Variants in MYOCOS observed in about 807,000 individuals in gnomAD.
MYOCOS encodes the protein myocilin opposite strand protein.
upstream of MYOCOS, among the ~76,000 whole-genome samples, chr1:171,621,672 G>A (rs1652579249): frequency 6.6e-6 from 1 of 152,008 alleles, no homozygotes; most frequent in South Asian, 2.1e-4. Flanking sequence ...ACCGCGCCTG[G>A]CCTCTGTTGT....
upstream of MYOCOS, among the ~76,000 whole-genome samples, chr1:171,620,897 G>GTAGC (rs998789736): frequency 3.3e-5 from 5 of 151,042 alleles, no homozygotes; most frequent in Non-Finnish European, 7.4e-5. Context: ...AGCCTCCCGA[G>GTAGC]TAGCTGGGAT....
chr1:171,614,791 A>G (rs1652418737), intron 1 of MYOCOS: 4 of 152,228 alleles, frequency 2.6e-5, no homozygotes, highest in Admixed American at 2.6e-4. Context: ...TTTTTTCTAC[A>G]TTTTAGACGG....
chr1:171,607,148 G>A (rs1652262294), intron 1 of MYOCOS, among the ~76,000 whole-genome samples: 1 of 149,652 alleles, frequency 6.7e-6, no homozygotes, highest in East Asian at 2.0e-4. Context: ...TCATATGTCT[G>A]TTTTTCCACC....
chr1:171,621,484 T>C (rs1652573241), upstream of MYOCOS, among the ~76,000 whole-genome samples: 1 of 149,456 alleles, frequency 6.7e-6, no homozygotes, highest in South Asian at 2.2e-4. Flanking sequence ...CACGCCATTC[T>C]CCTGCCTCAG....
chr1:171,618,452 C>A (rs929341738), upstream of MYOCOS, among the ~76,000 whole-genome samples: 2 of 152,206 alleles, frequency 1.3e-5, no homozygotes, highest in Non-Finnish European at 2.9e-5. Context: ...GTGGGGATGA[C>A]AAGGTAATCT....
At chr1:171,616,940 GC>G (rs1199913845) in intron 2 of MYOCOS, among the ~76,000 whole-genome samples, 2 of 152,150 alleles carry the variant, frequency 1.3e-5, no homozygotes, top group African/African-American at 4.8e-5. Flanking sequence ...AGGTATAATT[GC>G]CCTGCTGACA....
chr1:171,608,668 G>T (rs235898), intron 1 of MYOCOS, among the ~76,000 whole-genome samples: 2 of 151,758 alleles, frequency 1.3e-5, no homozygotes, highest in African/African-American at 2.4e-5. Context: ...TGATCTGCCC[G>T]CCTCGGCCTC....
intron 1 of MYOCOS, among the ~76,000 whole-genome samples, chr1:171,611,107 C>T (rs1199269599): frequency 6.6e-6 from 1 of 152,240 alleles, no homozygotes; most frequent in African/African-American, 2.4e-5. Flanking sequence ...TCCCTTGCTG[C>T]TATCATTTAG....
rs1208769219 is a variant in MYOCOS at position 171,623,979 on chromosome 1, G to A, written c.95+1G>A. 6 of 398,474 alleles carry A rather than the reference G, an allele frequency of 1.5e-5. No individual in the cohort carries two copies. The highest frequency in any genetic ancestry group is 2.7e-5 in the Non-Finnish European group (6 of 226,074). 24.7% of individuals were successfully genotyped at this position (398,474 alleles called of 1,614,324 possible). A position where few individuals can be genotyped will look rare whatever the true frequency, so the allele number is the denominator to read the frequency against. On this transcript the variant is annotated splice_donor_variant, in intron 2 of 2. Transcript: ENST00000637642. LOFTEE classifies it high-confidence loss of function. ...GGCGCCGAGTCACCATGATCACAAG[G>A]TACCCAAAATCTTTCCTCTGGATCG...
At chr1:171,605,394 CAAAA>C (rs1553253256) in intron 1 of MYOCOS, among the ~76,000 whole-genome samples, 182 of 127,554 alleles carry the variant, frequency 1.4e-3, no homozygotes, top group African/African-American at 5.9e-3. Flanking sequence ...CACACACACA[CAAAA>C]AAAAAAAAAC....
chr1:171,623,717 G>T, intron 1 of MYOCOS, 124 bp from the exon 2 acceptor site: 1 of 396,034 alleles, frequency 2.5e-6, no homozygotes, highest in Non-Finnish European at 4.4e-6. Context: ...AGGCCAGGCT[G>T]TAGGGAGGAC....
At chr1:171,614,384 G>A (rs1381783611) in intron 1 of MYOCOS, among the ~76,000 whole-genome samples, 1 of 152,210 alleles carries the variant, frequency 6.6e-6, no homozygotes, top group African/African-American at 2.4e-5. Flanking sequence ...GGTTTGGGCA[G>A]AGGGATCAGT....
intron 1 of MYOCOS, among the ~76,000 whole-genome samples, chr1:171,609,670 C>G (rs1043560849): frequency 6.6e-5 from 10 of 152,238 alleles, no homozygotes; most frequent in Admixed American, 2.6e-4. Flanking sequence ...TTTTTTGTGT[C>G]TGTGTTTGTT....
At chr1:171,604,927 G>T (rs2102931902) in intron 1 of MYOCOS, among the ~76,000 whole-genome samples, 1 of 152,030 alleles carries the variant, frequency 6.6e-6, no homozygotes, top group African/African-American at 2.4e-5. Flanking sequence ...ATGAAATAAA[G>T]AAAAATACGT....
chr1:171,601,939 A>G (rs1195316106), intron 1 of MYOCOS, among the ~76,000 whole-genome samples: 1 of 152,192 alleles, frequency 6.6e-6, no homozygotes, highest in Admixed American at 6.5e-5. Flanking sequence ...GGTTTTCAAC[A>G]AAGTGAAGTT....
intron 2 of MYOCOS, among the ~76,000 whole-genome samples, chr1:171,626,109 G>T (rs973533053): frequency 3.9e-5 from 6 of 152,118 alleles, no homozygotes; most frequent in Non-Finnish European, 8.8e-5. Flanking sequence ...TTGAGACAGG[G>T]TCTCACTCTG....
chr1:171,615,044 G>A lies in MYOCOS; in HGVS notation c.-44+39G>A, dbSNP rs76057536. On this transcript the variant is annotated intron_variant, in intron 2 of 3. Coordinates refer to the MYOCOS transcript ENST00000636697. ...GCTGACAGATCAAAGAAATCAGGGT[G>A]GGGGGAAGAAGGCAGATTGTATCAG... 6.5e-3 allele frequency: 993 copies of A among 152,350 alleles called. 15 individuals carry two copies. Among genetic ancestry groups the A allele is most frequent in the African/African-American group, 0.021 (874 of 41,534 alleles). The allele number at this position is 152,350 out of a possible 1,614,324, so 9.4% of individuals were successfully genotyped here. A position where few individuals can be genotyped will look rare whatever the true frequency, so the allele number is the denominator to read the frequency against.
At chr1:171,608,408 C>CTTTTT (rs34773729) in intron 1 of MYOCOS, among the ~76,000 whole-genome samples, 814 of 51,382 alleles carry the variant, frequency 0.016, 271 homozygotes, top group African/African-American at 0.067. Context: ...GGGAACCAGA[C>CTTTTT]TTTTTTTTTT....
chr1:171,620,885 T>TAGCTGGGATTA (rs1379654930), upstream of MYOCOS, among the ~76,000 whole-genome samples: 1 of 149,108 alleles, frequency 6.7e-6, no homozygotes, highest in Non-Finnish European at 1.5e-5. Context: ...TTCTCCTGCC[T>TAGCTGGGATTA]CAGCCTCCCG....
Sources: gnomAD v4.1 joint callset for allele counts (sites outside exome capture counted in the v4.1 genomes callset) on GRCh38, gnomAD v4.1.1 for gene constraint, MANE v1.5 for transcripts, NCBI Gene and HGNC (gene_info 2026-07-23, HGNC 2026-07-21) for gene names.